The following DACH1 variants were observed in gnomAD, a reference collection of about 807,000 sequenced individuals.
The protein encoded by DACH1 is dachshund family transcription factor 1.
In DACH1, 12 loss-of-function variants were observed where a neutral mutation model predicts 54.2. The observed-to-expected ratio is 0.22, with a 90% CI of 0.14 to 0.36. The LOEUF is 0.36. DACH1 is among the 10% of genes least tolerant of loss of function. The pLI is 1.00. For missense variants in DACH1, 805 were observed against 929.8 expected (o/e 0.87, Z 1.75); for synonymous variants, 386 against 366.2 (o/e 1.05, Z -0.62).
intron 1 of DACH1, among the ~76,000 whole-genome samples, chr13:71,807,418 G>A (rs1397928003): frequency 3.9e-5 from 1 of 25,328 alleles, no homozygotes; most frequent in African/African-American, 2.0e-4. Flanking sequence ...ATCACAGATT[G>A]CAAAAAAAAA....
chr13:71,701,324 A>G (rs2138750690), intron 1 of DACH1, among the ~76,000 whole-genome samples: 1 of 152,280 alleles, frequency 6.6e-6, no homozygotes, highest in Admixed American at 6.5e-5. Flanking sequence ...TCATAATGCA[A>G]TATAATATGT....
At chr13:71,522,905 C>A (rs1451867652) in intron 6 of DACH1, among the ~76,000 whole-genome samples, 1 of 152,046 alleles carries the variant, frequency 6.6e-6, no homozygotes, top group African/African-American at 2.4e-5. Context: ...TGCTACAAAA[C>A]CTTTTGTTCT....
intron 6 of DACH1, among the ~76,000 whole-genome samples, chr13:71,497,140 G>C (rs1007989734): frequency 6.6e-6 from 1 of 152,086 alleles, no homozygotes; most frequent in Non-Finnish European, 1.5e-5. Context: ...AAGGATTATA[G>C]TTTAAATCCA....
At chr13:71,863,517 G>T (rs144559782) in intron 1 of DACH1, among the ~76,000 whole-genome samples, 1 of 152,154 alleles carries the variant, frequency 6.6e-6, no homozygotes, top group Non-Finnish European at 1.5e-5. Context: ...CATAATTACA[G>T]TAGTGATGAG....
At chr13:71,777,734 C>T (rs191892043) in intron 1 of DACH1, among the ~76,000 whole-genome samples, 1 of 152,016 alleles carries the variant, frequency 6.6e-6, no homozygotes, top group African/African-American at 2.4e-5. Flanking sequence ...GACTTGCTAA[C>T]CTTTGTCAGA....
chr13:71,455,847 T>G (rs993571845), intron 10 of DACH1, among the ~76,000 whole-genome samples: 1 of 152,164 alleles, frequency 6.6e-6, no homozygotes, highest in Admixed American at 6.5e-5. Context: ...CTTACCATTT[T>G]TAAAGCTATT....
chr13:71,729,322 A>G (rs563620763), intron 1 of DACH1, among the ~76,000 whole-genome samples: 2 of 152,154 alleles, frequency 1.3e-5, no homozygotes, highest in Admixed American at 1.3e-4. Context: ...TATCTAGTCC[A>G]CACATATGAG....
intron 2 of DACH1, among the ~76,000 whole-genome samples, chr13:71,651,826 A>G (rs1878710129): frequency 2.0e-5 from 3 of 152,168 alleles, no homozygotes; most frequent in African/African-American, 7.2e-5. Context: ...TGCAAGCTGT[A>G]TTTGTACTAG....
intron 1 of DACH1, among the ~76,000 whole-genome samples, chr13:71,757,461 G>A (rs557231657): frequency 1.3e-5 from 2 of 151,668 alleles, no homozygotes; most frequent in African/African-American, 4.8e-5. Flanking sequence ...CACAGAAATG[G>A]GTGTAATAAT....
intron 1 of DACH1, among the ~76,000 whole-genome samples, chr13:71,742,927 G>T (rs575115205): frequency 6.6e-6 from 1 of 152,170 alleles, no homozygotes; most frequent in African/African-American, 2.4e-5. Flanking sequence ...AGAAATTTAT[G>T]AATCTTGTGG....
At chr13:71,666,831 A>C (rs1879869598) in intron 2 of DACH1, among the ~76,000 whole-genome samples, 1 of 152,048 alleles carries the variant, frequency 6.6e-6, no homozygotes, top group African/African-American at 2.4e-5. Context: ...AAATACAAAA[A>C]ATCGGCTGGG....
Position 71,681,907 on chromosome 13 carries a change from A to G in DACH1, c.852T>C (p.Ser284=), listed in dbSNP as rs755211839. The G allele has an allele frequency of 5.0e-6, 8 of 1,604,760 alleles. No homozygotes were observed. In the South Asian group the frequency reaches 8.9e-5, roughly 18 times the overall value. The stretch of plus-strand genomic sequence containing the variant: ...TCCTCTTAGGAGGCCTTCCAGGTCT[A>G]GAACTGAAACAAACAAACAAAAAAT... ...TLYNDCTNAS[S]RPGRPPKRTQ... The change falls in exon 2 of 11, where the codon TCT becomes TCC. Residue 284 remains serine (S), a synonymous_variant. Coordinates refer to ENST00000613252, the MANE Select transcript of DACH1 (RefSeq NM_080759.6).
At chr13:71,578,198 C>G (rs1396165411) in intron 3 of DACH1, among the ~76,000 whole-genome samples, 1 of 152,156 alleles carries the variant, frequency 6.6e-6, no homozygotes, top group African/African-American at 2.4e-5. Flanking sequence ...AAGGGACTAA[C>G]GGTCACACCA....
At chr13:71,704,907 T>C (rs1882357567) in intron 1 of DACH1, among the ~76,000 whole-genome samples, 1 of 152,204 alleles carries the variant, frequency 6.6e-6, no homozygotes. Context: ...GAAATATTTG[T>C]ACTGGTTTGA....
At chr13:71,454,382 C>CA (rs1875362080) in intron 10 of DACH1, among the ~76,000 whole-genome samples, 1 of 152,148 alleles carries the variant, frequency 6.6e-6, no homozygotes, top group Non-Finnish European at 1.5e-5. Flanking sequence ...CCTACAATTA[C>CA]AGCCATACAT....
intron 1 of DACH1, among the ~76,000 whole-genome samples, chr13:71,815,698 G>A (rs554421707): frequency 2.0e-5 from 3 of 152,146 alleles, no homozygotes; most frequent in African/African-American, 7.2e-5. Context: ...AAAATTTCAC[G>A]TGACAGGTAT....
chr13:71,654,595 A>C (rs1193641298), intron 2 of DACH1, among the ~76,000 whole-genome samples: 1 of 152,008 alleles, frequency 6.6e-6, no homozygotes, highest in Non-Finnish European at 1.5e-5. Context: ...CTACTGTACT[A>C]TAAGTGGGCC....
At chr13:71,764,061 G>A (rs879299683) in intron 1 of DACH1, among the ~76,000 whole-genome samples, 4 of 152,082 alleles carry the variant, frequency 2.6e-5, no homozygotes, top group African/African-American at 9.7e-5. Context: ...ACTAAAATAT[G>A]GGTGATATAA....
intron 1 of DACH1, among the ~76,000 whole-genome samples, chr13:71,712,566 T>A (rs1809752610): frequency 6.6e-6 from 1 of 152,154 alleles, no homozygotes; most frequent in African/African-American, 2.4e-5. Flanking sequence ...AGTCTAAAGT[T>A]CAGGATTTTA....
Sources: gnomAD v4.1 joint callset for allele counts (sites outside exome capture counted in the v4.1 genomes callset) on GRCh38, gnomAD v4.1.1 for gene constraint, MANE v1.5 for transcripts, NCBI Gene and HGNC (gene_info 2026-07-23, HGNC 2026-07-21) for gene names.